Variants in PRAMEF2 observed in about 807,000 individuals in gnomAD.
PRAMEF2 encodes the protein PRAME family member 2.
PRAMEF2 carries 35 observed loss-of-function variants against 38.0 expected under a neutral mutation model. The observed-to-expected ratio is 0.92, with a 90% CI of 0.70 to 1.22. The LOEUF (loss-of-function observed/expected upper bound fraction) is 1.22. Among genes scored for constraint, PRAMEF2 ranks in the 50% most tolerant of loss-of-function variants. The pLI, the probability that PRAMEF2 is intolerant of heterozygous loss-of-function variation, is 0.00. For synonymous variants in PRAMEF2, 240 were observed against 232.4 expected, an observed-to-expected ratio of 1.03 and a Z score of -0.30; for missense variants, 562 against 553.9, an observed-to-expected ratio of 1.01 and a Z score of -0.15.
rs768106209 is a variant in PRAMEF2 at position 12,861,382 on chromosome 1, T to A, written c.1028T>A (p.Leu343Gln). 1 of 1,605,148 alleles carries A rather than the reference T, an allele frequency of 6.2e-7. No homozygotes were observed. Among genetic ancestry groups the A allele is most frequent in the East Asian group, 2.2e-5 (1 of 44,544 alleles). Residue 343 changes from leucine to glutamine, a missense_variant, in exon 4 of 4, where the codon CTG becomes CAG. Physicochemically the swap from Leu to Gln is moderately radical, Grantham distance 113. Coordinates refer to ENST00000240189, the MANE Select transcript of PRAMEF2 (RefSeq NM_023014.1). ...ATCAGTCTTGAACCCCTAGGAGCTCTGCTAGAGAAAATTGCTGCCTCTCTC... is the reference window on the plus strand; with the variant it reads ...ATCAGTCTTGAACCCCTAGGAGCTCAGCTAGAGAAAATTGCTGCCTCTCTC... The part of the protein sequence containing the change: ...FRISLEPLGA[L>Q]LEKIAASLET...
chr1:12,861,355 G>T lies in PRAMEF2; in HGVS notation c.1001G>T (p.Arg334Leu). 6.2e-7 allele frequency: 1 copy of T among 1,606,650 alleles called. No homozygotes were observed. Among genetic ancestry groups the T allele is most frequent in the South Asian group, 1.1e-5 (1 of 90,472 alleles). Residue 334 changes from arginine to leucine, a missense_variant, in exon 4 of 4, where the codon CGC becomes CTC. Transcript: ENST00000240189. ...HLNLSYVLLF[R>L]ISLEPLGALL... Reference sequence around the variant, plus strand: ...AATCTCAGCTACGTGCTGCTGTTCCGCATCAGTCTTGAACCCCTAGGAGCT... The same window carrying T: ...AATCTCAGCTACGTGCTGCTGTTCCTCATCAGTCTTGAACCCCTAGGAGCT...
Position 12,860,193 on chromosome 1 carries a change from T to A in PRAMEF2, c.788T>A (p.Phe263Tyr). 1.2e-6 allele frequency: 2 copies of A among 1,607,010 alleles called. No homozygotes were observed. The highest frequency in any genetic ancestry group is 1.7e-5 in the Admixed American group (1 of 58,122). Reference sequence around the variant, plus strand: ...TTAGTCACCAGATTCACCTCTGTGTTCCTCAGGCTGGAACACCTCCAGTTG... The same window carrying A: ...TTAGTCACCAGATTCACCTCTGTGTACCTCAGGCTGGAACACCTCCAGTTG... Reference protein sequence around the residue: ...GWLVTRFTSVFLRLEHLQLLK... With the variant: ...GWLVTRFTSVYLRLEHLQLLK... Residue 263 changes from phenylalanine to tyrosine, a missense_variant, in exon 3 of 4, where the codon TTC becomes TAC. Coordinates refer to ENST00000240189, the MANE Select transcript of PRAMEF2 (RefSeq NM_023014.1).
In PRAMEF2 at chr1:12,858,972, A is replaced by G. The variant is rs1236594110; in HGVS notation, c.-25-13A>G. On this transcript the variant is annotated splice_polypyrimidine_tract_variant and intron_variant, in intron 1 of 3. Transcript: ENST00000240189. ...CCTGAGAGTGATACATTCTCCCTGG[A>G]TTTGTCTTCTAGAGATTTTTCTTGC... 1 of 1,588,490 alleles carries G rather than the reference A, an allele frequency of 6.3e-7. No individual in the cohort carries two copies. Among genetic ancestry groups the G allele is most frequent in the South Asian group, 1.1e-5 (1 of 89,148 alleles).
At chr1:12,858,581 T>C (rs1328571256) in intron 1 of PRAMEF2, among the ~76,000 whole-genome samples, 2 of 149,940 alleles carry the variant, frequency 1.3e-5, no homozygotes, top group Non-Finnish European at 3.0e-5. Context: ...CCCCAGCATG[T>C]TCATGGTGTG....
intron 3 of PRAMEF2, among the ~76,000 whole-genome samples, chr1:12,860,822 T>G (rs1411111183): frequency 4.0e-5 from 6 of 148,970 alleles, no homozygotes; most frequent in South Asian, 2.2e-4. Flanking sequence ...AAAGTGACAG[T>G]TGGTTTGCAG....
Position 12,859,895 on chromosome 1 carries a change from C to T in PRAMEF2, c.490C>T (p.Leu164=). 1.2e-6 allele frequency: 2 copies of T among 1,608,408 alleles called. No homozygotes were observed. The highest frequency in any genetic ancestry group is 2.2e-5 in the East Asian group (1 of 44,822). ...CAAGGAAATACCCCAGGATGAATGC[C>T]TGAGATACCTCTTCCAGTGGGTTTA... ...CLKEIPQDEC[L]RYLFQWVYQR... The change falls in exon 3 of 4, where the codon CTG becomes TTG. Residue 164 remains leucine, a synonymous_variant. Transcript: ENST00000240189.
rs146271489 is a variant in PRAMEF2, at chr1:12,861,531, G to A, written c.1177G>A (p.Ala393Thr). 42,168 of 1,605,196 alleles carry A rather than the reference G, an allele frequency of 0.026. 1,427 individuals carry two copies. Among genetic ancestry groups the A allele is most frequent in the Non-Finnish European group, 0.032 (37,381 of 1,176,682 alleles). Reference protein sequence around the residue: ...YFGSNCMSIDALKDLLRHTSG... With the variant: ...YFGSNCMSIDTLKDLLRHTSG... Reference sequence around the variant, plus strand: ...TGGCAGCAATTGCATGTCTATTGACGCCCTGAAGGACCTGCTGCGCCACAC... The same window carrying A: ...TGGCAGCAATTGCATGTCTATTGACACCCTGAAGGACCTGCTGCGCCACAC... The change falls in exon 4 of 4, where the codon GCC becomes ACC. Residue 393 changes from alanine (A) to threonine (T), a missense_variant. By Grantham distance (58) the Ala-to-Thr change is moderately conservative. Coordinates refer to ENST00000240189, the MANE Select transcript of PRAMEF2 (RefSeq NM_023014.1).
Position 12,859,438 on chromosome 1 carries a change from G to T in PRAMEF2, c.287+142G>T, listed in dbSNP as rs528304242. On this transcript the variant is annotated intron_variant, in intron 2 of 3. Coordinates refer to ENST00000240189, the MANE Select transcript of PRAMEF2 (RefSeq NM_023014.1). The stretch of plus-strand genomic sequence containing the variant: ...GAAGCTCAGGGAGGCTTTGGCCATT[G>T]TCCAGATCCTCAGAGAAAGGACTGC... The T allele has an allele frequency of 2.3e-3, 3,390 of 1,484,374 alleles. 65 individuals carry two copies. Among genetic ancestry groups the T allele is most frequent in the Non-Finnish European group, 2.9e-3 (3,213 of 1,094,732 alleles). 92.0% of individuals were successfully genotyped at this position (1,484,374 alleles called of 1,614,324 possible).
chr1:12,861,757 T>C lies in PRAMEF2; in HGVS notation c.1403T>C (p.Leu468Pro), dbSNP rs1413197860. 2 of 1,594,066 alleles carry C rather than the reference T, an allele frequency of 1.3e-6. No homozygotes were observed. The highest frequency in any genetic ancestry group is 2.3e-4 in the Middle Eastern group (1 of 4,378). The change falls in exon 4 of 4, where the codon CTG (leucine) becomes CCG (proline). Residue 468 changes from leucine to proline, a missense_variant. Coordinates refer to ENST00000240189, the MANE Select transcript of PRAMEF2 (RefSeq NM_023014.1). ...TGTGGCTCATCACCGTCTGAGGAACTGGAGCTCCATCTTTGCTGCTAGGGA... is the reference window on the plus strand; with the variant it reads ...TGTGGCTCATCACCGTCTGAGGAACCGGAGCTCCATCTTTGCTGCTAGGGA... The part of the protein sequence containing the change: ...PSCGSSPSEE[L>P]ELHLCC
rs907819954 is a variant in PRAMEF2 at position 12,859,906 on chromosome 1, C to T, written c.501C>T (p.Leu167=). The T allele has an allele frequency of 3.1e-6, 5 of 1,608,630 alleles. 1 individual carries two copies. In the Admixed American group the frequency reaches 5.1e-5, roughly 17 times the overall value. The change falls in exon 3 of 4, where the codon CTC becomes CTT. Residue 167 remains leucine (L), a synonymous_variant. Transcript: ENST00000240189. ...EIPQDECLRY[L]FQWVYQRRGL... ...CCCAGGATGAATGCCTGAGATACCTCTTCCAGTGGGTTTACCAAAGGAGAG... is the reference window on the plus strand; with the variant it reads ...CCCAGGATGAATGCCTGAGATACCTTTTCCAGTGGGTTTACCAAAGGAGAG...
rs769811904 is a variant in PRAMEF2 at position 12,860,290 on chromosome 1, C to T, written c.866+19C>T. 6.2e-7 allele frequency: 1 copy of T among 1,605,846 alleles called. No homozygotes were observed. Among genetic ancestry groups the T allele is most frequent in the South Asian group, 1.1e-5 (1 of 90,444 alleles). ...TGATCAGGTGAGAAAGGATTGTGCA[C>T]TTTGTATGCAGACCACAGCACAGAC... is the stretch of plus-strand genomic sequence containing the variant. On this transcript the variant is annotated intron_variant, in intron 3 of 3. Coordinates refer to ENST00000240189, the MANE Select transcript of PRAMEF2 (RefSeq NM_023014.1).
In PRAMEF2 at chr1:12,859,688, C is replaced by T; in HGVS notation, c.288-5C>T. On this transcript the variant is annotated splice_polypyrimidine_tract_variant and splice_region_variant and intron_variant, in intron 2 of 3. Coordinates refer to ENST00000240189, the MANE Select transcript of PRAMEF2 (RefSeq NM_023014.1). ...TTCTGAGCCTCTCCCTTACTTTACC[C>T]ACAGGAGGTGGAAACTTCAAGTGCT... The T allele has an allele frequency of 1.2e-6, 2 of 1,606,272 alleles. No homozygotes were observed. Among genetic ancestry groups the T allele is most frequent in the East Asian group, 2.2e-5 (1 of 44,816 alleles).
chr1:12,858,343 G>T (rs904541432), intron 1 of PRAMEF2, among the ~76,000 whole-genome samples: 4 of 150,148 alleles, frequency 2.7e-5, no homozygotes. Context: ...TGAAACCTCT[G>T]CCTTCTGGAG....
At position 12,859,583 on chromosome 1, in the gene PRAMEF2, G is replaced by C. The variant is rs1489697413; in HGVS notation, c.288-110G>C. 19 of 1,522,678 alleles carry C rather than the reference G, an allele frequency of 1.2e-5. No individual in the cohort carries two copies. The East Asian group carries it at 4.0e-4, about 32-fold the overall frequency. The allele number at this position is 1,522,678 out of a possible 1,614,324, so 94.3% of individuals were successfully genotyped here. A position where few individuals can be genotyped will look rare whatever the true frequency, so the allele number is the denominator to read the frequency against. On this transcript the variant is annotated intron_variant, in intron 2 of 3. Transcript: ENST00000240189. ...AAAAGGGATTGAGAAAAGACAAAGA[G>C]AACAGGGAGCACTGAGGACAGGAGC...
intron 2 of PRAMEF2, 112 bp downstream of exon 2, chr1:12,859,408 G>C (rs199984857): frequency 0.021 from 32,265 of 1,524,400 alleles, 615 homozygotes; most frequent in South Asian, 0.038. Context: ...GATGGTGTTG[G>C]CGAGGAAGCT....
Position 12,859,269 on chromosome 1 carries a change from T to G in PRAMEF2, c.260T>G (p.Met87Arg). The G allele has an allele frequency of 7.5e-6, 12 of 1,610,296 alleles. No homozygotes were observed. Among genetic ancestry groups the G allele is most frequent in the Non-Finnish European group, 1.0e-5 (12 of 1,178,740 alleles). ...PLKALLEGLH[M>R]LLTQKDRPRR... is the part of the protein sequence containing the mutation. ...AAAGCATTGCTGGAAGGGCTTCATA[T>G]GCTGCTTACACAGAAGGATCGCCCC... Residue 87 changes from methionine to arginine, a missense_variant, in exon 2 of 4, where the codon ATG becomes AGG. Transcript: ENST00000240189.
Position 12,859,695 on chromosome 1 carries a change from G to A in PRAMEF2, c.290G>A (p.Arg97Lys). The A allele has an allele frequency of 6.2e-7, 1 of 1,606,556 alleles. No homozygotes were observed. Among genetic ancestry groups the A allele is most frequent in the Non-Finnish European group, 8.5e-7 (1 of 1,177,218 alleles). ...CCTCTCCCTTACTTTACCCACAGGA[G>A]GTGGAAACTTCAAGTGCTGGATTTG... ...MLLTQKDRPR[R>K]WKLQVLDLRD... The change falls in exon 3 of 4, where the codon AGG (arginine) becomes AAG (lysine). Residue 97 changes from arginine (R) to lysine (K), a missense_variant and splice_region_variant. Physicochemically the swap from Arg to Lys is conservative, Grantham distance 26 (BLOSUM62 2). This residue lies in a region of PRAMEF2 where 486 missense variants were observed against 444.2 expected (regional missense o/e 1.09). Coordinates refer to ENST00000240189, the MANE Select transcript of PRAMEF2 (RefSeq NM_023014.1).
chr1:12,859,582 A>G, intron 2 of PRAMEF2, 111 bp from the exon 3 acceptor site: 3 of 1,515,736 alleles, frequency 2.0e-6, no homozygotes, highest in Non-Finnish European at 2.7e-6. Flanking sequence ...AAAGACAAAG[A>G]GAACAGGGAG....
At chr1:12,859,636 C>T (rs1414701809) in intron 2 of PRAMEF2, 57 bp from the exon 3 acceptor site, 4 of 1,600,304 alleles carry the variant, frequency 2.5e-6, no homozygotes, top group Admixed American at 1.7e-5. Context: ...AGAATGAAAG[C>T]AAAGGTCAGG....
Sources: gnomAD v4.1 joint callset for allele counts (sites outside exome capture counted in the v4.1 genomes callset) on GRCh38, gnomAD v4.1.1 for gene constraint, gnomAD v4.1.1 regional missense constraint, MANE v1.5 for transcripts, NCBI Gene and HGNC (gene_info 2026-07-23, HGNC 2026-07-21) for gene names.